The following ASB2 variants were observed in gnomAD, a reference collection of about 807,000 sequenced individuals.
The protein encoded by ASB2 is ankyrin repeat and SOCS box protein 2.
A neutral mutation model predicts 62.4 loss-of-function variants in ASB2; 58 were observed. The ratio of observed to expected loss-of-function variants is 0.93; its 90% CI spans 0.75 to 1.16. The LOEUF is 1.16. ASB2 is among the 50% of genes most tolerant of loss of function. The pLI is 0.00. For synonymous variants in ASB2, 386 were observed against 385.3 expected (o/e 1.00, Z -0.02); for missense variants, 928 against 887.9 (o/e 1.05, Z -0.57).
intron 1 of ASB2, among the ~76,000 whole-genome samples, chr14:93,969,717 C>T (rs1889704884): frequency 6.6e-6 from 1 of 152,166 alleles, no homozygotes; most frequent in South Asian, 2.1e-4. Flanking sequence ...GAGGGAGGGG[C>T]CAGTCCAAGG....
intron 2 of ASB2, among the ~76,000 whole-genome samples, chr14:93,962,820 C>T (rs1203489492): frequency 6.6e-6 from 1 of 152,210 alleles, no homozygotes; most frequent in Non-Finnish European, 1.5e-5. Flanking sequence ...CTCTATCTGA[C>T]CCCCTCCTGA....
intron 2 of ASB2, among the ~76,000 whole-genome samples, chr14:93,959,485 C>CCA (rs1889336009): frequency 6.6e-6 from 1 of 152,208 alleles, no homozygotes; most frequent in Non-Finnish European, 1.5e-5. Flanking sequence ...CCAATCAAGG[C>CCA]TGGAGGCCCC....
At chr14:93,963,646 G>T (rs150017437) in intron 2 of ASB2, among the ~76,000 whole-genome samples, 1 of 151,960 alleles carries the variant, frequency 6.6e-6, no homozygotes, top group Non-Finnish European at 1.5e-5. Context: ...AGACTTGATG[G>T]GCAAAAAGAA....
rs1888765225 is a variant in ASB2, at chr14:93,947,355, T to A, written c.1046A>T (p.Asn349Ile). The A allele has an allele frequency of 6.2e-7, 1 of 1,614,012 alleles. No individual in the cohort carries two copies. The highest frequency in any genetic ancestry group is 1.3e-5 in the African/African-American group (1 of 74,938). Residue 349 changes from asparagine (N) to isoleucine (I), a missense_variant, in exon 7 of 10, where the codon AAC becomes ATC. By Grantham distance (149) the Asn-to-Ile change is moderately radical (BLOSUM62 -3). Coordinates refer to ENST00000555019, the MANE Select transcript of ASB2 (RefSeq NM_001202429.2). ...LPLHIASKKGNYRIVQMLLPV... is the reference protein window; with the variant it reads ...LPLHIASKKGIYRIVQMLLPV... ...TGGCGGAGCCTGGGCTGACCTGTAG[T>A]TGCCCTTCTTGGAGGCGATGTGCAG...
At position 93,939,555 on chromosome 14, in the gene ASB2, GCTCAGCAGCGCCTCCA is replaced by G; in HGVS notation, c.1154_1169del (p.Leu385ProfsTer6). ...GCGGCGTGTTCACGTCGAAGCGCGC[GCTCAGCAGCGCCTCCA>G]GCACCTCGTCGTGGTTGCGCTCGGC... On this transcript the variant is annotated frameshift_variant, in exon 8 of 10. Transcript: ENST00000555019. LOFTEE classifies it high-confidence loss of function. 6.3e-7 allele frequency: 1 copy of G among 1,593,996 alleles called. No homozygotes were observed. Among genetic ancestry groups the G allele is most frequent in the Non-Finnish European group, 8.5e-7 (1 of 1,172,666 alleles).
In ASB2 at chr14:93,964,403, G is replaced by A; in HGVS notation, c.137C>T (p.Pro46Leu). The change falls in exon 2 of 10, where the codon CCA becomes CTA. Residue 46 changes from proline (P) to leucine (L), a missense_variant. Physicochemically the swap from Pro to Leu is moderately conservative, Grantham distance 98. Coordinates refer to ENST00000555019, the MANE Select transcript of ASB2 (RefSeq NM_001202429.2). ...AGACGCGGTGGCCTCAGCAGTGGTT[G>A]GGCCCCTTGTCTTGTCCGCTAGGCT... ...EQSLADKTRG[P>L]TTAEATASAC... The A allele has an allele frequency of 6.5e-7, 1 of 1,536,078 alleles. No individual in the cohort carries two copies. The highest frequency in any genetic ancestry group is 8.7e-7 in the Non-Finnish European group (1 of 1,146,886).
Position 93,958,295 on chromosome 14 carries a change from T to C in ASB2, c.207-1425A>G, listed in dbSNP as rs1031175603. Among the ~76,000 whole-genome samples the C allele has an allele frequency of 2.0e-5, 3 of 152,224 alleles. No individual in the cohort carries two copies. The East Asian group carries it at 5.8e-4, about 29-fold the overall frequency. ...ATCAACCGTAGATGGGGGTGCCTTT[T>C]ACAGATGAGGACAGGGAGGCTGTGA... On this transcript the variant is annotated intron_variant, in intron 2 of 9. Transcript: ENST00000555019.
rs527405661 is a variant in ASB2 at position 93,957,147 on chromosome 14, C to T, written c.207-277G>A. On this transcript the variant is annotated intron_variant, in intron 2 of 9. Coordinates refer to ENST00000555019, the MANE Select transcript of ASB2 (RefSeq NM_001202429.2). ...AACCTCACCCCACCCCCCGGTCCCC[C>T]TCCCCAGCCAACCACGAAAGAGGCA... 104 of 1,354,572 alleles carry T rather than the reference C, an allele frequency of 7.7e-5. 1 individual carries two copies. In the South Asian group the frequency reaches 1.9e-3, roughly 25 times the overall value. The allele number at this position is 1,354,572 out of a possible 1,614,324, so 83.9% of individuals were successfully genotyped here. A position where few individuals can be genotyped will look rare whatever the true frequency, so the allele number is the denominator to read the frequency against.
At chr14:93,962,104 A>ATT (rs1889425579) in intron 2 of ASB2, among the ~76,000 whole-genome samples, 3 of 107,182 alleles carry the variant, frequency 2.8e-5, no homozygotes, top group African/African-American at 1.1e-4. Context: ...TTCATTAAAC[A>ATT]TTCTTTTTTT....
rs1286341744 is a variant in ASB2 at position 93,938,996 on chromosome 14, C to T, written c.1617+112G>A. The T allele has an allele frequency of 5.1e-6, 5 of 975,960 alleles. No individual in the cohort carries two copies. The Admixed American group carries it at 1.1e-4, about 21-fold the overall frequency. The allele number at this position is 975,960 out of a possible 1,614,324, so 60.5% of individuals were successfully genotyped here. ...CCGAAGGGTGTTAATCACTAGTCCACGCTGCTCCCAAGGAGCGCGAACCAC... is the reference window on the plus strand; with the variant it reads ...CCGAAGGGTGTTAATCACTAGTCCATGCTGCTCCCAAGGAGCGCGAACCAC... On this transcript the variant is annotated intron_variant, in intron 8 of 9. Transcript: ENST00000555019.
chr14:93,967,757 T>C (rs1384115811), intron 1 of ASB2, among the ~76,000 whole-genome samples: 1 of 152,042 alleles, frequency 6.6e-6, no homozygotes, highest in African/African-American at 2.4e-5. Flanking sequence ...CCTATGGCCG[T>C]GTCGACAAAA....
intron 2 of ASB2, among the ~76,000 whole-genome samples, chr14:93,961,728 G>A (rs901607704): frequency 2.0e-5 from 3 of 152,194 alleles, no homozygotes; most frequent in Admixed American, 6.5e-5. Context: ...GGACTGTCTC[G>A]GGTCCTGCAT....
At chr14:93,947,080 A>G (rs1888753664) in intron 7 of ASB2, among the ~76,000 whole-genome samples, 1 of 152,256 alleles carries the variant, frequency 6.6e-6, no homozygotes, top group East Asian at 1.9e-4. Context: ...AGCAGATTAA[A>G]TAAGTTTCTG....
rs1889056517 is a variant in ASB2, at chr14:93,953,520, C to T, written c.479-13G>A. The T allele has an allele frequency of 1.3e-6, 2 of 1,559,880 alleles. No homozygotes were observed. Among genetic ancestry groups the T allele is most frequent in the African/African-American group, 1.4e-5 (1 of 73,336 alleles). ...GTCCCTGGGTACGCTAGGGAGGGCC[C>T]ACCGGGAAATTCATGTAGGAGAAAG... is the stretch of plus-strand genomic sequence containing the variant. On this transcript the variant is annotated splice_polypyrimidine_tract_variant and intron_variant, in intron 4 of 9. Transcript: ENST00000555019.
chr14:93,953,395 C>G lies in ASB2; in HGVS notation c.591G>C (p.Glu197Asp), dbSNP rs751138690. The change falls in exon 5 of 10, where the codon GAG becomes GAC. Residue 197 changes from glutamate to aspartate, a missense_variant. By Grantham distance (45) the Glu-to-Asp change is conservative (BLOSUM62 2). Coordinates refer to ENST00000555019, the MANE Select transcript of ASB2 (RefSeq NM_001202429.2). The stretch of plus-strand genomic sequence containing the variant: ...CTCGGGATTTGTTGGAGATGTCCGG[C>G]TCTGCCCCTGCTTGGAGCAGTGACA... The part of the protein sequence containing the change: ...CLLSLLQAGA[E>D]PDISNKSRET... 49 of 1,601,644 alleles carry G rather than the reference C, an allele frequency of 3.1e-5. No individual in the cohort carries two copies. The highest frequency in any genetic ancestry group is 2.6e-6 in the Non-Finnish European group (3 of 1,170,140).
intron 1 of ASB2, among the ~76,000 whole-genome samples, chr14:93,975,909 C>T (rs561281899): frequency 1.3e-5 from 2 of 152,356 alleles, no homozygotes; most frequent in African/African-American, 4.8e-5. Flanking sequence ...ACATAAATAA[C>T]ATTCCTCCAT....
intron 7 of ASB2, chr14:93,944,037 C>A (rs1278805477): frequency 2.2e-6 from 1 of 455,938 alleles, no homozygotes. Flanking sequence ...ACAGAAGAGG[C>A]TCTAAGATCC....
chr14:93,970,156 G>A (rs986121523), intron 1 of ASB2, among the ~76,000 whole-genome samples: 1 of 152,212 alleles, frequency 6.6e-6, no homozygotes, highest in Non-Finnish European at 1.5e-5. Context: ...TGAGGGGCTG[G>A]GGTGGGAGGT....
Position 93,939,585 on chromosome 14 carries a change from G to A in ASB2, c.1140C>T (p.Asn380=), listed in dbSNP as rs1299566749. 1.9e-6 allele frequency: 3 copies of A among 1,577,274 alleles called. No homozygotes were observed. In the East Asian group the frequency reaches 7.0e-5, roughly 37 times the overall value. ...GCAGCGCCTCCAGCACCTCGTCGTG[G>A]TTGCGCTCGGCCGCCAGGTGCAGCG... is the stretch of plus-strand genomic sequence containing the variant. ...VSPLHLAAER[N]HDEVLEALLS... The change falls in exon 8 of 10, where the codon AAC becomes AAT. Residue 380 remains asparagine, a synonymous_variant. Transcript: ENST00000555019.
Sources: gnomAD v4.1 joint callset for allele counts (sites outside exome capture counted in the v4.1 genomes callset) on GRCh38, gnomAD v4.1.1 for gene constraint, MANE v1.5 for transcripts, NCBI Gene and HGNC (gene_info 2026-07-23, HGNC 2026-07-21) for gene names.